Variants in COL6A3 observed in about 807,000 individuals in gnomAD.
COL6A3 encodes the protein collagen type VI alpha 3 chain.
Under a neutral mutation model 274.1 loss-of-function variants are expected in COL6A3, and 137 were observed. The observed-to-expected ratio is 0.50, with a 90% CI of 0.44 to 0.58. The LOEUF is 0.58. COL6A3 is among the 20% of genes least tolerant of loss of function. The probability of loss-of-function intolerance (pLI) is 0.00; values close to 1 mark genes in which losing one functional copy is unlikely to be tolerated. For synonymous variants in COL6A3, 1,650 were observed against 1,650.6 expected (o/e 1.00, Z 0.01); for missense variants, 3,950 against 4,124.9 (o/e 0.96, Z 1.16).
chr2:237,404,763 T>C (rs2078680000), intron 1 of COL6A3, among the ~76,000 whole-genome samples: 2 of 152,322 alleles, frequency 1.3e-5, no homozygotes, highest in Non-Finnish European at 2.9e-5. Context: ...GGGCTCACTC[T>C]GGAGCAATTC....
chr2:237,382,063 G>A (rs1338451464), intron 4 of COL6A3, among the ~76,000 whole-genome samples: 4 of 152,154 alleles, frequency 2.6e-5, no homozygotes, highest in African/African-American at 9.7e-5. Context: ...AAGCCAGCAA[G>A]TGCCGCAAAC....
At chr2:237,409,763 C>T (rs559609437) in intron 1 of COL6A3, among the ~76,000 whole-genome samples, 2 of 152,276 alleles carry the variant, frequency 1.3e-5, no homozygotes, top group South Asian at 2.1e-4. Flanking sequence ...GGACATGTCA[C>T]GAGCACCCTT....
intron 39 of COL6A3, among the ~76,000 whole-genome samples, chr2:237,336,869 A>T (rs893016485): frequency 1.3e-5 from 2 of 152,206 alleles, no homozygotes; most frequent in African/African-American, 4.8e-5. Flanking sequence ...CAATTAACCA[A>T]CCAAAACATA....
At chr2:237,399,762 A>G (rs1031101890) in intron 1 of COL6A3, among the ~76,000 whole-genome samples, 2 of 152,224 alleles carry the variant, frequency 1.3e-5, no homozygotes, top group African/African-American at 4.8e-5. Context: ...AACCAAAGGC[A>G]TCTCCACCTG....
intron 1 of COL6A3, among the ~76,000 whole-genome samples, chr2:237,406,853 T>C (rs2078731714): frequency 6.6e-6 from 1 of 152,032 alleles, no homozygotes; most frequent in Non-Finnish European, 1.5e-5. Context: ...TAGCAAATTT[T>C]GTTTTTTTAC....
chr2:237,374,507 C>A lies in COL6A3; in HGVS notation c.3584G>T (p.Gly1195Val). The A allele has an allele frequency of 6.2e-7, 1 of 1,614,140 alleles. No homozygotes were observed. The highest frequency in any genetic ancestry group is 8.5e-7 in the Non-Finnish European group (1 of 1,180,030). The change falls in exon 8 of 44, where the codon GGG becomes GTG. Residue 1195 changes from glycine (G) to valine (V), a missense_variant. Coordinates refer to ENST00000295550, the MANE Select transcript of COL6A3 (RefSeq NM_004369.4). The surrounding 1 kb of genome is among the most constrained non-coding windows in gnomAD (Gnocchi z 4.8). Reference sequence around the variant, plus strand: ...CTCAGAGATGACCTGTTGGACGGTCCCCAGCTGGCGAAAGGTGGGAATGGC... The same window carrying A: ...CTCAGAGATGACCTGTTGGACGGTCACCAGCTGGCGAAAGGTGGGAATGGC... ...AVAIPTFRQL[G>V]TVQQVISERV...
At chr2:237,339,259 A>G (rs560457294) in intron 38 of COL6A3, 142 bp from the exon 39 acceptor site, 2 of 673,098 alleles carry the variant, frequency 3.0e-6, no homozygotes, top group African/African-American at 3.6e-5. Context: ...CAGACAAACT[A>G]TGTCCAGTGA....
chr2:237,389,953 G>C (rs1014722811), intron 3 of COL6A3, among the ~76,000 whole-genome samples: 3 of 152,174 alleles, frequency 2.0e-5, no homozygotes, highest in Admixed American at 1.3e-4. Flanking sequence ...GGATCTTCAA[G>C]AGAGTGTGGT....
intron 6 of COL6A3, 141 bp from the exon 7 acceptor site, chr2:237,377,485 C>A: frequency 1.3e-6 from 1 of 770,426 alleles, no homozygotes; most frequent in Non-Finnish European, 2.2e-6. Context: ...AGAGAAAACC[C>A]AAATTCATAC....
rs2078412852 is a variant in COL6A3 at position 237,395,399 on chromosome 2, TGCCCA to T, written c.92-200_92-196del. 1.1e-4 allele frequency among the ~76,000 whole-genome samples: 16 copies of T among 152,334 alleles called. No homozygotes were observed. The South Asian group carries it at 3.3e-3, about 32-fold the overall frequency. On this transcript the variant is annotated intron_variant, in intron 2 of 43. Transcript: ENST00000295550. The stretch of plus-strand genomic sequence containing the variant: ...AGCCCATGCACTCAATAGCTGCTGG[TGCCCA>T]GTCACTAGCCCAAGTTCCATACTCA...
intron 39 of COL6A3, among the ~76,000 whole-genome samples, chr2:237,337,470 A>AAAGAAAGAGCTGAAGGACTT (rs1700608011): frequency 6.6e-6 from 1 of 152,212 alleles, no homozygotes; most frequent in Non-Finnish European, 1.5e-5. Context: ...TCTGAGGTCA[A>AAAGAAAGAGCTGAAGGACTT]AAGAAAGAGC....
chr2:237,354,836 C>T, intron 24 of COL6A3, 63 bp downstream of exon 24: 1 of 1,442,694 alleles, frequency 6.9e-7, no homozygotes, highest in Admixed American at 1.8e-5. Context: ...TTTTTCACTC[C>T]TGGGCTGGGC....
chr2:237,350,858 A>C (rs138483686), intron 27 of COL6A3, among the ~76,000 whole-genome samples: 392 of 152,398 alleles, frequency 2.6e-3, no homozygotes, highest in African/African-American at 8.7e-3. Context: ...AGAGAGGAGC[A>C]GAAAACCTGG....
chr2:237,367,969 C>T lies in COL6A3; in HGVS notation c.4900+594G>A, dbSNP rs143907649. ...GCAGTGAGCTAGGGAAACAGGCATACTGCTCCCCTTTGAAGAACCAACCCT... is the reference window on the plus strand; with the variant it reads ...GCAGTGAGCTAGGGAAACAGGCATATTGCTCCCCTTTGAAGAACCAACCCT... On this transcript the variant is annotated intron_variant, in intron 10 of 43. Coordinates refer to ENST00000295550, the MANE Select transcript of COL6A3 (RefSeq NM_004369.4). Among the ~76,000 whole-genome samples, 178 of 152,328 alleles carry T rather than the reference C, an allele frequency of 1.2e-3. 3 individuals are homozygous for T. Among genetic ancestry groups the T allele is most frequent in the African/African-American group, 3.3e-3 (139 of 41,572 alleles).
intron 42 of COL6A3, among the ~76,000 whole-genome samples, chr2:237,331,022 T>C (rs927217676): frequency 6.6e-6 from 1 of 152,220 alleles, no homozygotes. Context: ...GCATCTACTA[T>C]TTAATACTAA....
In COL6A3 at chr2:237,325,738, A is replaced by T. The variant is rs775663087; in HGVS notation, c.9329-14T>A. The T allele has an allele frequency of 1.9e-6, 3 of 1,611,080 alleles. No homozygotes were observed. Among genetic ancestry groups the T allele is most frequent in the East Asian group, 4.5e-5 (2 of 44,856 alleles). The stretch of plus-strand genomic sequence containing the variant: ...ACTTGCATATATCTTTAATAAAAAC[A>T]TGAGAAAAGGATATTAATGAGAACA... On this transcript the variant is annotated splice_polypyrimidine_tract_variant and intron_variant, in intron 42 of 43. Coordinates refer to ENST00000295550, the MANE Select transcript of COL6A3 (RefSeq NM_004369.4).
At position 237,328,846 on chromosome 2, in the gene COL6A3, C is replaced by G. The variant is rs181908467; in HGVS notation, c.9329-3122G>C. 12 of 152,302 alleles carry G rather than the reference C, an allele frequency of 7.9e-5. No individual in the cohort carries two copies. The East Asian group carries it at 1.3e-3, about 17-fold the overall frequency. 9.4% of individuals were successfully genotyped at this position (152,302 alleles called of 1,614,324 possible). A position where few individuals can be genotyped will look rare whatever the true frequency, so the allele number is the denominator to read the frequency against. On this transcript the variant is annotated intron_variant, in intron 42 of 43. Coordinates refer to ENST00000295550, the MANE Select transcript of COL6A3 (RefSeq NM_004369.4). ...GACTGAGAGGTGTTTATGCTGCAAT[C>G]ATCAACATGTTCCTCATCAGTTTAA... is the stretch of plus-strand genomic sequence containing the variant.
intron 1 of COL6A3, among the ~76,000 whole-genome samples, chr2:237,411,977 C>T (rs2078867661): frequency 6.6e-6 from 1 of 152,198 alleles, no homozygotes; most frequent in Non-Finnish European, 1.5e-5. Context: ...CCAGGACAGC[C>T]TCACTTCACC....
chr2:237,361,324 T>A lies in COL6A3; in HGVS notation c.6157-150A>T. 2.7e-6 allele frequency: 2 copies of A among 737,014 alleles called. No individual in the cohort carries two copies. Among genetic ancestry groups the A allele is most frequent in the South Asian group, 3.1e-5 (2 of 64,196 alleles). The allele number at this position is 737,014 out of a possible 1,614,324, so 45.7% of individuals were successfully genotyped here. Reference sequence around the variant, plus strand: ...CTGCTTTTCCCCTCAGTACACCATGTCACGATTCTCTCTATCAGGATCTCT... The same window carrying A: ...CTGCTTTTCCCCTCAGTACACCATGACACGATTCTCTCTATCAGGATCTCT... On this transcript the variant is annotated intron_variant, in intron 15 of 43. Coordinates refer to ENST00000295550, the MANE Select transcript of COL6A3 (RefSeq NM_004369.4). This position sits in a 1 kb window ranked among gnomAD's most constrained non-coding sequence, Gnocchi z 5.1.
Sources: gnomAD v4.1 joint callset for allele counts (sites outside exome capture counted in the v4.1 genomes callset) on GRCh38, gnomAD v4.1.1 for gene constraint, Gnocchi (gnomAD v3.1) non-coding constraint, MANE v1.5 for transcripts, NCBI Gene and HGNC (gene_info 2026-07-23, HGNC 2026-07-21) for gene names.